The following PCDHGA1 variants were observed in gnomAD, a reference collection of about 807,000 sequenced individuals.
PCDHGA1 encodes protocadherin gamma subfamily A, 1, also known as protocadherin gamma-A1.
In PCDHGA1, 32 loss-of-function variants were observed where a neutral mutation model predicts 58.0. The observed-to-expected ratio is 0.55, with a 90% confidence interval of 0.42 to 0.74. PCDHGA1 has a LOEUF of 0.74. Among genes scored for constraint, PCDHGA1 ranks in the 30% least tolerant of loss-of-function variants. The probability of loss-of-function intolerance (pLI) is 0.00; values close to 1 mark genes in which losing one functional copy is unlikely to be tolerated. For synonymous variants in PCDHGA1, 498 were observed against 501.1 expected (o/e 0.99, Z 0.08); for missense variants, 1,205 against 1,182.3 (o/e 1.02, Z -0.28).
chr5:141,386,789 A>G lies in PCDHGA1; in HGVS notation c.2421+53684A>G, dbSNP rs144966256. Among the ~76,000 whole-genome samples the G allele has an allele frequency of 8.8e-3, 1,344 of 152,342 alleles. 18 individuals carry two copies. Among genetic ancestry groups the G allele is most frequent in the African/African-American group, 0.031 (1,269 of 41,584 alleles). On this transcript the variant is annotated intron_variant, in intron 1 of 3. Coordinates refer to ENST00000517417, the MANE Select transcript of PCDHGA1 (RefSeq NM_018912.3). ...GTATTTTGTAAAAGAAAATCTCCTG[A>G]CCAAAATTTATTAGATGCATAAAAT...
In PCDHGA1 at chr5:141,486,853, C is replaced by T. The variant is rs1401626024; in HGVS notation, c.2422-7954C>T. The stretch of plus-strand genomic sequence containing the variant: ...GTCTATTTGTGCTGGACCTCAATGA[C>T]AATGCTCCAGCTGTGCTCCGTCCTC... On this transcript the variant is annotated intron_variant, in intron 1 of 3. Coordinates refer to ENST00000517417, the MANE Select transcript of PCDHGA1 (RefSeq NM_018912.3). This position sits in a 1 kb window ranked among gnomAD's most constrained non-coding sequence, Gnocchi z 5.0. 6.2e-7 allele frequency: 1 copy of T among 1,614,244 alleles called. No individual in the cohort carries two copies. The highest frequency in any genetic ancestry group is 2.2e-5 in the East Asian group (1 of 44,886).
intron 1 of PCDHGA1, chr5:141,390,614 G>C (rs184586504): frequency 4.8e-5 from 14 of 289,200 alleles, no homozygotes; most frequent in Admixed American, 2.4e-4. Context: ...TTTCCTTCTT[G>C]TTGACTAATA....
intron 1 of PCDHGA1, chr5:141,383,504 G>T (rs373658496): frequency 6.2e-7 from 1 of 1,612,766 alleles, no homozygotes; most frequent in South Asian, 1.1e-5. Context: ...GTGCTGGACC[G>T]GGAGGAAGAG....
chr5:141,415,020 C>T, intron 1 of PCDHGA1: 2 of 1,613,560 alleles, frequency 1.2e-6, no homozygotes, highest in Non-Finnish European at 1.7e-6. Context: ...TGCTCAAGGC[C>T]AGCGAGCCGG....
chr5:141,400,236 G>C (rs1195592972), intron 1 of PCDHGA1: 6 of 1,613,868 alleles, frequency 3.7e-6, no homozygotes, highest in African/African-American at 1.3e-5. Flanking sequence ...TCCTGGCCGT[G>C]ATTCTGGCCG....
chr5:141,340,943 G>A (rs1757003557), intron 1 of PCDHGA1: 1 of 1,613,692 alleles, frequency 6.2e-7, no homozygotes, highest in African/African-American at 1.3e-5. Flanking sequence ...CTCCGCCACT[G>A]TCACGCTCAC....
At chr5:141,352,190 G>C (rs777164799) in intron 1 of PCDHGA1, 4 of 1,613,754 alleles carry the variant, frequency 2.5e-6, no homozygotes, top group Non-Finnish European at 3.4e-6. Context: ...CGCTGTGCGT[G>C]ATGGAGGACA....
At position 141,511,219 on chromosome 5, in the gene PCDHGA1, G is replaced by A. The variant is rs1467284181; in HGVS notation, c.*46G>A. On this transcript the variant is annotated 3_prime_UTR_variant, in exon 4 of 4. Coordinates refer to ENST00000517417, the MANE Select transcript of PCDHGA1 (RefSeq NM_018912.3). ...CCACAGGGCGGCCTCTCCCCAACCA[G>A]CCCAGCTTCTCCTTACCTGCACCCA... 5 of 1,606,366 alleles carry A rather than the reference G, an allele frequency of 3.1e-6. No individual in the cohort carries two copies. The highest frequency in any genetic ancestry group is 2.7e-5 in the African/African-American group (2 of 74,686).
chr5:141,361,472 A>T (rs1480148367), intron 1 of PCDHGA1: 1 of 1,613,906 alleles, frequency 6.2e-7, no homozygotes, highest in Admixed American at 1.7e-5. Context: ...TCCGACGTCA[A>T]CGATAATGCC....
At chr5:141,458,730 C>T (rs1239174331) in intron 1 of PCDHGA1, among the ~76,000 whole-genome samples, 1 of 151,928 alleles carries the variant, frequency 6.6e-6, no homozygotes, top group Non-Finnish European at 1.5e-5. Flanking sequence ...CCACCACATC[C>T]AGCTATTGGT....
At chr5:141,381,530 T>C (rs1035264051) in intron 1 of PCDHGA1, among the ~76,000 whole-genome samples, 1 of 152,196 alleles carries the variant, frequency 6.6e-6, no homozygotes. Context: ...TTGAATTGCA[T>C]ACTAGGATGA....
intron 1 of PCDHGA1, chr5:141,390,391 T>C: frequency 7.1e-7 from 1 of 1,399,002 alleles, no homozygotes; most frequent in Non-Finnish European, 9.8e-7. Flanking sequence ...ATGTCATGGA[T>C]CATTTTAGGA....
In PCDHGA1 at chr5:141,490,462, ACCAG is replaced by A; in HGVS notation, c.2422-4338_2422-4335del. On this transcript the variant is annotated intron_variant, in intron 1 of 3. Coordinates refer to ENST00000517417, the MANE Select transcript of PCDHGA1 (RefSeq NM_018912.3). The surrounding 1 kb of genome is among the most constrained non-coding windows in gnomAD (Gnocchi z 5.4). ...TTCTGAGAACCACTACTCGCTGCTA[ACCAG>A]CCAGCCTTTGGACCGGGAGGCCACA... 1 of 1,614,198 alleles carries A rather than the reference ACCAG, an allele frequency of 6.2e-7. No homozygotes were observed.
chr5:141,340,342 C>T, intron 1 of PCDHGA1: 2 of 1,614,182 alleles, frequency 1.2e-6, no homozygotes, highest in Non-Finnish European at 1.7e-6. Flanking sequence ...GCACATCCTA[C>T]TCCACCTACA....
rs1772581943 is a variant in PCDHGA1, at chr5:141,376,341, A to G, written c.2421+43236A>G. 2 of 1,614,152 alleles carry G rather than the reference A, an allele frequency of 1.2e-6. No individual in the cohort carries two copies. The highest frequency in any genetic ancestry group is 1.7e-6 in the Non-Finnish European group (2 of 1,180,032). Reference sequence around the variant, plus strand: ...GGGGTTCGGGCTTTCCTGCAGACCTATTCCCACGAGGTCTCACTCACTGCA... The same window carrying G: ...GGGGTTCGGGCTTTCCTGCAGACCTGTTCCCACGAGGTCTCACTCACTGCA... On this transcript the variant is annotated intron_variant, in intron 1 of 3. Coordinates refer to ENST00000517417, the MANE Select transcript of PCDHGA1 (RefSeq NM_018912.3).
At chr5:141,370,501 C>T in intron 1 of PCDHGA1, 1 of 1,613,952 alleles carries the variant, frequency 6.2e-7, no homozygotes, top group Non-Finnish European at 8.5e-7. Flanking sequence ...ATCCGCTACG[C>T]TATTCCCGAG....
rs759239364 is a variant in PCDHGA1 at position 141,361,410 on chromosome 5, C to T, written c.2421+28305C>T. 1.6e-5 allele frequency: 26 copies of T among 1,613,936 alleles called. No homozygotes were observed. In the Admixed American group the frequency reaches 4.0e-4, roughly 25 times the overall value. ...AATACAATCTCACCATCACAGCCAC[C>T]GACGGGGGCAAGCCGCCCCTCTCCT... On this transcript the variant is annotated intron_variant, in intron 1 of 3. Transcript: ENST00000517417.
chr5:141,503,046 G>T (rs1187153008), intron 2 of PCDHGA1, among the ~76,000 whole-genome samples: 1 of 151,658 alleles, frequency 6.6e-6, no homozygotes, highest in Non-Finnish European at 1.5e-5. Flanking sequence ...GTTGAGACAG[G>T]GTTTCACCAT....
intron 1 of PCDHGA1, chr5:141,384,835 G>T: frequency 1.2e-6 from 2 of 1,613,468 alleles, no homozygotes; most frequent in Middle Eastern, 1.7e-4. Flanking sequence ...CGTGGTGGCC[G>T]TCCAGGACCA....
Sources: allele counts gnomAD v4.1 joint callset (sites outside exome capture counted in the v4.1 genomes callset), GRCh38; gene constraint gnomAD v4.1.1; non-coding constraint Gnocchi (gnomAD v3.1); transcripts MANE v1.5; gene names NCBI Gene and HGNC (gene_info 2026-07-23, HGNC 2026-07-21).